CHCHD3: variants seen among roughly 807,000 people sequenced by gnomAD.
CHCHD3 encodes the protein coiled-coil-helix-coiled-coil-helix domain containing 3, also known as MICOS complex subunit MIC19.
In CHCHD3, 20 loss-of-function variants were observed where a neutral mutation model predicts 38.2. The ratio of observed to expected loss-of-function variants is 0.52; its 90% CI spans 0.37 to 0.76. The LOEUF (loss-of-function observed/expected upper bound fraction) is 0.76, where lower values mean the gene tolerates loss of function less well. Among genes scored for constraint, CHCHD3 ranks in the 30% least tolerant of loss-of-function variants. The pLI, the probability that CHCHD3 is intolerant of heterozygous loss-of-function variation, is 0.00. For missense variants in CHCHD3, 245 were observed against 279.2 expected, an observed-to-expected ratio of 0.88 and a Z score of 0.87; for synonymous variants, 82 against 100.0, an observed-to-expected ratio of 0.82 and a Z score of 1.07.
At chr7:132,881,891 C>A (rs1022992614) in intron 5 of CHCHD3, among the ~76,000 whole-genome samples, 2 of 152,102 alleles carry the variant, frequency 1.3e-5, no homozygotes, top group Non-Finnish European at 2.9e-5. Context: ...GAAAATACTT[C>A]ATCATTAGAG....
intron 4 of CHCHD3, among the ~76,000 whole-genome samples, chr7:132,891,043 C>T (rs1010492152): frequency 6.6e-6 from 1 of 151,982 alleles, no homozygotes; most frequent in Non-Finnish European, 1.5e-5. Context: ...CAAAGGAGGC[C>T]GAACCATAAA....
intron 4 of CHCHD3, among the ~76,000 whole-genome samples, chr7:132,952,598 T>C (rs1258934408): frequency 6.6e-6 from 1 of 152,228 alleles, no homozygotes; most frequent in East Asian, 1.9e-4. Flanking sequence ...CAGTCTTGAA[T>C]AGAGAGATGA....
At chr7:133,018,334 C>CA (rs1813084340) in intron 3 of CHCHD3, among the ~76,000 whole-genome samples, 1 of 152,342 alleles carries the variant, frequency 6.6e-6, no homozygotes, top group South Asian at 2.1e-4. Context: ...AGCTACAACT[C>CA]AAATTTCTGC....
intron 1 of CHCHD3, among the ~76,000 whole-genome samples, chr7:133,071,757 C>T (rs1814824234): frequency 6.6e-6 from 1 of 152,182 alleles, no homozygotes; most frequent in African/African-American, 2.4e-5. Context: ...CAACACTATA[C>T]AACTCAGCAA....
chr7:132,802,571 A>G (rs1307770109), intron 6 of CHCHD3, among the ~76,000 whole-genome samples: 1 of 152,218 alleles, frequency 6.6e-6, no homozygotes, highest in Non-Finnish European at 1.5e-5. Context: ...TTGGGAAGTC[A>G]GACATTTGGT....
chr7:132,840,734 T>A (rs1807918784), intron 5 of CHCHD3, among the ~76,000 whole-genome samples: 1 of 152,166 alleles, frequency 6.6e-6, no homozygotes, highest in South Asian at 2.1e-4. Context: ...CCATTCTAGG[T>A]ATAGATTCTA....
chr7:132,972,523 G>A, intron 4 of CHCHD3: 1 of 893,632 alleles, frequency 1.1e-6, no homozygotes, highest in Non-Finnish European at 1.3e-6. Flanking sequence ...TTCTAATCTT[G>A]ATCCAATGAA....
At chr7:132,862,033 T>C (rs1361089203) in intron 5 of CHCHD3, among the ~76,000 whole-genome samples, 1 of 152,178 alleles carries the variant, frequency 6.6e-6, no homozygotes, top group Middle Eastern at 3.4e-3. Context: ...ATCATGTCTA[T>C]GAATCTTGAA....
intron 4 of CHCHD3, among the ~76,000 whole-genome samples, chr7:132,922,476 G>A (rs1488979697): frequency 2.0e-5 from 3 of 151,942 alleles, no homozygotes; most frequent in South Asian, 4.1e-4. Flanking sequence ...ACTCATGTGA[G>A]TCCAGGCCAG....
intron 3 of CHCHD3, among the ~76,000 whole-genome samples, chr7:132,993,817 C>T (rs945054483): frequency 1.3e-5 from 2 of 152,196 alleles, no homozygotes; most frequent in Non-Finnish European, 2.9e-5. Flanking sequence ...CTGTTGATCC[C>T]TGCACTTTGC....
intron 6 of CHCHD3, among the ~76,000 whole-genome samples, chr7:132,800,939 A>C (rs1057212207): frequency 9.2e-5 from 14 of 152,204 alleles, no homozygotes; most frequent in African/African-American, 3.4e-4. Context: ...TTACACTAAA[A>C]GCCGACACAC....
intron 6 of CHCHD3, among the ~76,000 whole-genome samples, chr7:132,830,944 G>A (rs576957133): frequency 3.9e-5 from 6 of 152,182 alleles, no homozygotes; most frequent in East Asian, 3.9e-4. Context: ...TCCAAGGACC[G>A]TGGGGAATAA....
At chr7:132,918,175 A>T (rs1023223383) in intron 4 of CHCHD3, among the ~76,000 whole-genome samples, 1 of 152,206 alleles carries the variant, frequency 6.6e-6, no homozygotes, top group Non-Finnish European at 1.5e-5. Flanking sequence ...ATTCAAAAAA[A>T]TCTATAGCAT....
chr7:132,976,990 T>C (rs1811783955), intron 3 of CHCHD3, among the ~76,000 whole-genome samples: 1 of 152,218 alleles, frequency 6.6e-6, no homozygotes, highest in South Asian at 2.1e-4. Context: ...AATTCTCTAA[T>C]GCAAAAGTAA....
intron 5 of CHCHD3, among the ~76,000 whole-genome samples, chr7:132,869,888 A>T (rs973694347): frequency 6.6e-6 from 1 of 151,988 alleles, no homozygotes; most frequent in Non-Finnish European, 1.5e-5. Context: ...TGGCAGAGAA[A>T]TCCCATTTCA....
At chr7:132,817,918 A>C in intron 6 of CHCHD3, among the ~76,000 whole-genome samples, 1 of 152,052 alleles carries the variant, frequency 6.6e-6, no homozygotes, top group Non-Finnish European at 1.5e-5. Flanking sequence ...TAAAAATAAA[A>C]GAAAGAAAGA....
intron 5 of CHCHD3, among the ~76,000 whole-genome samples, chr7:132,873,136 G>A (rs1396745105): frequency 6.6e-6 from 1 of 151,938 alleles, no homozygotes; most frequent in Non-Finnish European, 1.5e-5. Context: ...GGATGAAAAG[G>A]GGAGTGGAAT....
chr7:132,967,755 G>A (rs558460480), intron 4 of CHCHD3, among the ~76,000 whole-genome samples: 70 of 151,676 alleles, frequency 4.6e-4, no homozygotes, highest in Admixed American at 1.4e-3. Context: ...ACTTGAGCCT[G>A]GGAGGTCAAG....
At chr7:132,920,551 G>A (rs866181863) in intron 4 of CHCHD3, among the ~76,000 whole-genome samples, 14 of 152,108 alleles carry the variant, frequency 9.2e-5, no homozygotes, top group Middle Eastern at 3.2e-3. Context: ...GACAAATACT[G>A]TCTCAACTTG....
Sources: allele counts gnomAD v4.1 joint callset (sites outside exome capture counted in the v4.1 genomes callset), GRCh38; gene constraint gnomAD v4.1.1; transcripts MANE v1.5; gene names NCBI Gene and HGNC (gene_info 2026-07-23, HGNC 2026-07-21).